Variants in SNTB2 observed in about 807,000 individuals in gnomAD.
SNTB2 encodes the protein beta-2-syntrophin.
In SNTB2, 34 loss-of-function variants were observed where a neutral mutation model predicts 46.2. The ratio of observed to expected loss-of-function variants is 0.74; its 90% CI spans 0.56 to 0.98. SNTB2 has a LOEUF of 0.98. Ranked by LOEUF, SNTB2 falls within the 50% of genes least tolerant of loss-of-function variation. The probability of loss-of-function intolerance (pLI) is 0.00; values close to 1 mark genes in which losing one functional copy is unlikely to be tolerated. For missense variants in SNTB2, 603 were observed against 731.4 expected, an observed-to-expected ratio of 0.82 and a Z score of 2.02; for synonymous variants, 290 against 312.6, an observed-to-expected ratio of 0.93 and a Z score of 0.76.
At chr16:69,277,579 T>G (rs1369884968) in intron 4 of SNTB2, among the ~76,000 whole-genome samples, 1 of 152,206 alleles carries the variant, frequency 6.6e-6, no homozygotes, top group Non-Finnish European at 1.5e-5. Flanking sequence ...TGAGTTTTGG[T>G]TCTGTGGACA....
chr16:69,193,483 C>T (rs112063546), intron 1 of SNTB2, among the ~76,000 whole-genome samples: 7,564 of 151,674 alleles, frequency 0.05, 255 homozygotes, highest in Non-Finnish European at 0.071. Context: ...TGTGTGCCAC[C>T]GTGCCTGGCT....
At position 69,304,009 on chromosome 16, in the gene SNTB2, C is replaced by T. The variant is rs1367781413; in HGVS notation, c.*3085C>T. 1 of 152,226 alleles carries T rather than the reference C, an allele frequency of 6.6e-6. No individual in the cohort carries two copies. Among genetic ancestry groups the T allele is most frequent in the Non-Finnish European group, 1.5e-5 (1 of 68,048 alleles). 9.4% of individuals were successfully genotyped at this position (152,226 alleles called of 1,614,324 possible). A position where few individuals can be genotyped will look rare whatever the true frequency, so the allele number is the denominator to read the frequency against. On this transcript the variant is annotated 3_prime_UTR_variant, in exon 7 of 7. Transcript: ENST00000336278. ...CTTCCTGTGCCCCCCAGACCCGGGG[C>T]TTCGACAGCTTCTCCACATTCCACA...
chr16:69,256,019 C>T (rs1211656889), intron 2 of SNTB2, among the ~76,000 whole-genome samples: 1 of 151,874 alleles, frequency 6.6e-6, no homozygotes, highest in Non-Finnish European at 1.5e-5. Flanking sequence ...AACCCCGTCT[C>T]TACTAAAAGT....
intron 3 of SNTB2, among the ~76,000 whole-genome samples, chr16:69,266,346 AG>A (rs1964883934): frequency 2.0e-5 from 3 of 152,246 alleles, no homozygotes; most frequent in Non-Finnish European, 4.4e-5. Context: ...CCTGGGCAAC[AG>A]AGTGAGAGTC....
At chr16:69,230,457 G>A (rs1019717805) in intron 1 of SNTB2, 1 of 151,654 alleles carries the variant, frequency 6.6e-6, no homozygotes, top group African/African-American at 2.4e-5. Context: ...TGCCTCCCAG[G>A]TTCAAGTGAG....
At chr16:69,238,498 T>C (rs1318325620) in intron 1 of SNTB2, among the ~76,000 whole-genome samples, 7 of 152,212 alleles carry the variant, frequency 4.6e-5, no homozygotes, top group Non-Finnish European at 1.0e-4. Flanking sequence ...AGTGATCTTA[T>C]CCAGTTTCAT....
intron 1 of SNTB2, among the ~76,000 whole-genome samples, chr16:69,196,384 T>C (rs1440661918): frequency 6.6e-6 from 1 of 151,032 alleles, no homozygotes; most frequent in African/African-American, 2.4e-5. Flanking sequence ...TTCTTTTTTT[T>C]TTTTTTTTGA....
chr16:69,268,162 T>C (rs573537413), intron 3 of SNTB2, among the ~76,000 whole-genome samples: 41 of 152,264 alleles, frequency 2.7e-4, no homozygotes, highest in African/African-American at 9.4e-4. Flanking sequence ...AGCTGAAACA[T>C]AAACTTCTAA....
intron 1 of SNTB2, among the ~76,000 whole-genome samples, chr16:69,200,249 G>A (rs1365779192): frequency 6.6e-6 from 1 of 152,180 alleles, no homozygotes; most frequent in African/African-American, 2.4e-5. Flanking sequence ...TGCTTACAGT[G>A]AGTTTAGGAA....
At chr16:69,298,550 T>C (rs1221899209) in intron 5 of SNTB2, among the ~76,000 whole-genome samples, 1 of 134,106 alleles carries the variant, frequency 7.5e-6, no homozygotes, top group Non-Finnish European at 1.6e-5. Flanking sequence ...AGACAGTGTC[T>C]CGCTCTTGTC....
intron 1 of SNTB2, among the ~76,000 whole-genome samples, chr16:69,238,225 A>G (rs1275130297): frequency 1.3e-5 from 2 of 152,162 alleles, no homozygotes; most frequent in African/African-American, 4.8e-5. Flanking sequence ...TTGGCCCCCA[A>G]TTCGCAGGTC....
chr16:69,262,421 T>C (rs758010046), intron 3 of SNTB2, among the ~76,000 whole-genome samples: 14 of 152,032 alleles, frequency 9.2e-5, no homozygotes, highest in Non-Finnish European at 1.6e-4. Context: ...CTAATTTTTA[T>C]GTGACTGATT....
At chr16:69,281,705 T>C (rs1965049121) in intron 4 of SNTB2, among the ~76,000 whole-genome samples, 1 of 151,376 alleles carries the variant, frequency 6.6e-6, no homozygotes, top group African/African-American at 2.4e-5. Context: ...TAGCTGGGTA[T>C]GGTGGCAGGA....
In SNTB2 at chr16:69,303,197, A is replaced by G. The variant is rs1413661390; in HGVS notation, c.*2273A>G. ...TAAATTTTCATTTCAGAGAAGGAAA[A>G]AAATCTCTTGAACGTCCAGAAATGA... On this transcript the variant is annotated 3_prime_UTR_variant, in exon 7 of 7. Coordinates refer to ENST00000336278, the MANE Select transcript of SNTB2 (RefSeq NM_006750.4). 6.6e-6 allele frequency: 1 copy of G among 152,190 alleles called. No individual in the cohort carries two copies. The allele number at this position is 152,190 out of a possible 1,614,324, so 9.4% of individuals were successfully genotyped here. A position where few individuals can be genotyped will look rare whatever the true frequency, so the allele number is the denominator to read the frequency against.
chr16:69,190,640 G>C (rs1964040524), intron 1 of SNTB2, among the ~76,000 whole-genome samples: 1 of 152,152 alleles, frequency 6.6e-6, no homozygotes. Context: ...GGTTGATGAA[G>C]CTTAAATTGA....
At chr16:69,292,381 A>G (rs1382437786) in intron 5 of SNTB2, among the ~76,000 whole-genome samples, 1 of 21,248 alleles carries the variant, frequency 4.7e-5, no homozygotes, top group Non-Finnish European at 7.9e-5. Flanking sequence ...TATATATATT[A>G]TATATATATT....
intron 2 of SNTB2, among the ~76,000 whole-genome samples, chr16:69,252,336 A>G (rs543135169): frequency 6.6e-6 from 1 of 152,246 alleles, no homozygotes; most frequent in East Asian, 1.9e-4. Flanking sequence ...TGGTAATTAT[A>G]CGTATTTCAT....
chr16:69,260,036 C>A lies in SNTB2; in HGVS notation c.795-14C>A, dbSNP rs756421435. On this transcript the variant is annotated splice_polypyrimidine_tract_variant and intron_variant, in intron 2 of 6. Transcript: ENST00000336278. ...TGTCCTAGCTCACTTTTTTTTTTTT[C>A]TTTTTCCACACAGATTGATAGAGCT... 2 of 1,497,206 alleles carry A rather than the reference C, an allele frequency of 1.3e-6. No individual in the cohort carries two copies. The highest frequency in any genetic ancestry group is 1.8e-6 in the Non-Finnish European group (2 of 1,116,518). The allele number at this position is 1,497,206 out of a possible 1,614,324, so 92.7% of individuals were successfully genotyped here. A position where few individuals can be genotyped will look rare whatever the true frequency, so the allele number is the denominator to read the frequency against.
chr16:69,298,484 C>G (rs1035601262), intron 5 of SNTB2, among the ~76,000 whole-genome samples: 1 of 150,914 alleles, frequency 6.6e-6, no homozygotes, highest in African/African-American at 2.4e-5. Flanking sequence ...TCTGCCTCTT[C>G]CTCCCTGCCT....
Sources: gnomAD v4.1 joint callset for allele counts (sites outside exome capture counted in the v4.1 genomes callset) on GRCh38, gnomAD v4.1.1 for gene constraint, MANE v1.5 for transcripts, NCBI Gene and HGNC (gene_info 2026-07-23, HGNC 2026-07-21) for gene names.